Variants in PTPRD observed in about 807,000 individuals in gnomAD.
PTPRD encodes receptor-type tyrosine-protein phosphatase delta.
A neutral mutation model predicts 214.5 loss-of-function variants in PTPRD; 34 were observed. That is an observed-to-expected ratio of 0.16 (90% CI 0.12 to 0.21). PTPRD has a LOEUF of 0.21. Among genes scored for constraint, PTPRD ranks in the 10% least tolerant of loss-of-function variants. The probability of loss-of-function intolerance (pLI) is 1.00; values close to 1 mark genes in which losing one functional copy is unlikely to be tolerated. For missense variants in PTPRD, 2,545 were observed against 2,398.7 expected, an observed-to-expected ratio of 1.06 and a Z score of -1.27; for synonymous variants, 1,128 against 845.7, an observed-to-expected ratio of 1.33 and a Z score of -5.79.
At chr9:8,366,899 T>A (rs1325575534) in intron 39 of PTPRD, among the ~76,000 whole-genome samples, 1 of 152,236 alleles carries the variant, frequency 6.6e-6, no homozygotes, top group Non-Finnish European at 1.5e-5. Context: ...GGACAAAGAT[T>A]TAATGCAACG....
intron 10 of PTPRD, among the ~76,000 whole-genome samples, chr9:9,022,982 T>A (rs1277746371): frequency 1.3e-5 from 2 of 152,112 alleles, no homozygotes; most frequent in Non-Finnish European, 2.9e-5. Flanking sequence ...GAATAAACCA[T>A]GGTAGATTTG....
chr9:9,275,007 C>T (rs1944413046), intron 9 of PTPRD, among the ~76,000 whole-genome samples: 1 of 125,782 alleles, frequency 8.0e-6, no homozygotes, highest in Admixed American at 9.4e-5. Flanking sequence ...CTCAAACTTT[C>T]TTCAAACTGA....
intron 11 of PTPRD, among the ~76,000 whole-genome samples, chr9:8,760,338 G>C (rs73421296): frequency 0.048 from 7,352 of 152,110 alleles, 442 homozygotes; most frequent in African/African-American, 0.14. Context: ...AAATAAGTGA[G>C]ATCAATATTC....
At chr9:9,572,661 T>C (rs564651325) in intron 8 of PTPRD, among the ~76,000 whole-genome samples, 2 of 148,906 alleles carry the variant, frequency 1.3e-5, no homozygotes, top group Non-Finnish European at 3.0e-5. Context: ...TAACCCGATA[T>C]GTATATTATG....
intron 9 of PTPRD, among the ~76,000 whole-genome samples, chr9:9,232,933 T>A (rs898101012): frequency 6.6e-6 from 1 of 151,964 alleles, no homozygotes; most frequent in Admixed American, 6.6e-5. Context: ...CCTAGAAAAA[T>A]ACTACTCTAA....
chr9:8,419,377 T>C (rs1424473611), intron 35 of PTPRD, among the ~76,000 whole-genome samples: 1 of 152,104 alleles, frequency 6.6e-6, no homozygotes, highest in African/African-American at 2.4e-5. Flanking sequence ...TATTAAGTGA[T>C]AGATTCAGTC....
At position 8,786,088 on chromosome 9, in the gene PTPRD, C is replaced by T. The variant is rs981488506; in HGVS notation, c.-103-52142G>A. Among the ~76,000 whole-genome samples the T allele has an allele frequency of 7.3e-5, 11 of 151,168 alleles. No individual in the cohort carries two copies. The East Asian group carries it at 7.8e-4, about 11-fold the overall frequency. ...GTGTGTGTACCTCATACACATTGTT[C>T]ACCGCTAGTGGCAATTCAGATACTG... On this transcript the variant is annotated intron_variant, in intron 11 of 45. Coordinates refer to ENST00000381196, the MANE Select transcript of PTPRD (RefSeq NM_002839.4).
In PTPRD at chr9:10,482,197, C is replaced by T. The variant is rs567145258; in HGVS notation, c.-600+130201G>A. ...CCAGCCCGGCTAACACAGTGAAACC[C>T]CATCTCTACTAAAAATACAAAAAAT... On this transcript the variant is annotated intron_variant, in intron 2 of 45. Coordinates refer to ENST00000381196, the MANE Select transcript of PTPRD (RefSeq NM_002839.4). Among the ~76,000 whole-genome samples the T allele has an allele frequency of 1.1e-4, 16 of 151,884 alleles. 1 individual carries two copies. The South Asian group carries it at 1.5e-3, about 14-fold the overall frequency.
chr9:8,634,433 TG>T (rs2096363037), intron 13 of PTPRD, among the ~76,000 whole-genome samples: 1 of 152,046 alleles, frequency 6.6e-6, no homozygotes, highest in Admixed American at 6.6e-5. Flanking sequence ...TATATATTTA[TG>T]GGGTGCTTAA....
intron 11 of PTPRD, chr9:8,962,080 G>C (rs2099161549): frequency 6.6e-6 from 1 of 152,080 alleles, no homozygotes; most frequent in Non-Finnish European, 1.5e-5. Flanking sequence ...CATGTAAAAA[G>C]AGCCATTTCT....
intron 2 of PTPRD, among the ~76,000 whole-genome samples, chr9:10,512,171 G>A (rs964051758): frequency 5.1e-5 from 3 of 58,952 alleles, no homozygotes; most frequent in Non-Finnish European, 6.6e-5. Context: ...GCTGTTAGAT[G>A]TAGTTACAAA....
At chr9:9,158,412 C>T (rs999206477) in intron 10 of PTPRD, among the ~76,000 whole-genome samples, 1 of 151,880 alleles carries the variant, frequency 6.6e-6, no homozygotes, top group African/African-American at 2.4e-5. Context: ...TCAGCCTGGC[C>T]AACATGCTAA....
chr9:8,741,660 T>C (rs985470512), intron 11 of PTPRD, among the ~76,000 whole-genome samples: 11 of 126,872 alleles, frequency 8.7e-5, no homozygotes, highest in East Asian at 2.5e-4. Context: ...CTCGGCTCAC[T>C]GCAACCCCCA....
chr9:9,171,849 C>T (rs1043642574), intron 10 of PTPRD, among the ~76,000 whole-genome samples: 18 of 151,968 alleles, frequency 1.2e-4, no homozygotes, highest in African/African-American at 4.3e-4. Flanking sequence ...TATATTAATT[C>T]TTCATTACTG....
chr9:9,118,996 T>C (rs377387520), intron 10 of PTPRD, among the ~76,000 whole-genome samples: 37 of 152,268 alleles, frequency 2.4e-4, no homozygotes, highest in East Asian at 2.3e-3. Context: ...CACCTAAAAA[T>C]ATACTAAGGA....
chr9:9,929,578 G>C (rs529876746), intron 5 of PTPRD, among the ~76,000 whole-genome samples: 1 of 152,226 alleles, frequency 6.6e-6, no homozygotes, highest in African/African-American at 2.4e-5. Flanking sequence ...ATTTTTAGTA[G>C]AGACAGGGTT....
Position 8,407,831 on chromosome 9 carries a change from TCTGA to T in PTPRD, c.4087-3175_4087-3172del, listed in dbSNP as rs147384678. Among the ~76,000 whole-genome samples the T allele has an allele frequency of 6.4e-3, 978 of 152,328 alleles. 8 individuals carry two copies. The highest frequency in any genetic ancestry group is 0.022 in the African/African-American group (921 of 41,572). ...GCACTCATCCATCTGTATCTATCTG[TCTGA>T]CTGAACGTTTAACAAAACACAACAC... On this transcript the variant is annotated intron_variant, in intron 35 of 45. Coordinates refer to ENST00000381196, the MANE Select transcript of PTPRD (RefSeq NM_002839.4).
chr9:8,823,279 T>C (rs546695708), intron 11 of PTPRD, among the ~76,000 whole-genome samples: 1 of 152,298 alleles, frequency 6.6e-6, no homozygotes, highest in African/African-American at 2.4e-5. Context: ...GATGATTTCA[T>C]CCCTTCCCAC....
Position 8,903,744 on chromosome 9 carries a change from CTA to C in PTPRD, c.-104+114951_-104+114952del, listed in dbSNP as rs1587742632. Among the ~76,000 whole-genome samples, 1,371 of 149,834 alleles carry C rather than the reference CTA, an allele frequency of 9.2e-3. 26 individuals carry two copies. The highest frequency in any genetic ancestry group is 0.032 in the African/African-American group (1,270 of 39,294). Reference sequence around the variant, plus strand: ...AAAACTAACAAACTGTTCTGATTCTCTACCTTTAAAAAATTATGGGAAATTTG... The same window carrying C: ...AAAACTAACAAACTGTTCTGATTCTCCCTTTAAAAAATTATGGGAAATTTG... On this transcript the variant is annotated intron_variant, in intron 11 of 45. Coordinates refer to ENST00000381196, the MANE Select transcript of PTPRD (RefSeq NM_002839.4).
Sources: gnomAD v4.1 joint callset for allele counts (sites outside exome capture counted in the v4.1 genomes callset) on GRCh38, gnomAD v4.1.1 for gene constraint, MANE v1.5 for transcripts, NCBI Gene and HGNC (gene_info 2026-07-23, HGNC 2026-07-21) for gene names.